Variants in LRIG3 observed in about 807,000 individuals in gnomAD.
The protein encoded by LRIG3 is leucine rich repeats and immunoglobulin like domains 3, also known as leucine-rich repeats and immunoglobulin-like domains protein 3.
LRIG3 carries 76 observed loss-of-function variants against 114.5 expected under a neutral mutation model. That is an observed-to-expected ratio of 0.66 (90% CI 0.55 to 0.80). The LOEUF is 0.80. Among genes scored for constraint, LRIG3 ranks in the 30% least tolerant of loss-of-function variants. The pLI is 0.00. For synonymous variants in LRIG3, 512 were observed against 519.8 expected (o/e 0.98, Z 0.20); for missense variants, 1,239 against 1,382.8 (o/e 0.90, Z 1.65).
At chr12:58,890,919 T>C (rs1871436637) in intron 3 of LRIG3, 123 bp from the exon 4 acceptor site, 1 of 835,268 alleles carries the variant, frequency 1.2e-6, no homozygotes, top group East Asian at 3.3e-5. Context: ...AACAGTACTT[T>C]TAAAAGTTAA....
Position 58,890,127 on chromosome 12 carries a change from G to A in LRIG3, c.528C>T (p.Ser176=). 6.2e-7 allele frequency: 1 copy of A among 1,613,342 alleles called. No homozygotes were observed. Among genetic ancestry groups the A allele is most frequent in the Non-Finnish European group, 8.5e-7 (1 of 1,179,486 alleles). Residue 176 remains serine (S), a synonymous_variant, in exon 5 of 19, where the codon AGC becomes AGT. Coordinates refer to ENST00000320743, the MANE Select transcript of LRIG3 (RefSeq NM_153377.5). ...ALQLKYLYLN[S]NRVTSMEPGY... Reference sequence around the variant, plus strand: ...CAGGTTCCATTGATGTGACTCGGTTGCTGTTGAGATACCTGTTGAAAGTTT... The same window carrying A: ...CAGGTTCCATTGATGTGACTCGGTTACTGTTGAGATACCTGTTGAAAGTTT...
chr12:58,877,360 CAT>C (rs773607567), intron 15 of LRIG3, 38 bp downstream of exon 15: 25 of 1,590,454 alleles, frequency 1.6e-5, no homozygotes, highest in South Asian at 1.3e-4. Flanking sequence ...CACAAATACA[CAT>C]GACTCCGGTG....
At chr12:58,909,983 G>A (rs73118573) in intron 3 of LRIG3, among the ~76,000 whole-genome samples, 11,265 of 152,100 alleles carry the variant, frequency 0.074, 557 homozygotes, top group Non-Finnish European at 0.11. Flanking sequence ...TCTGCTTTAC[G>A]TCTCTTCAAT....
intron 3 of LRIG3, among the ~76,000 whole-genome samples, chr12:58,908,697 A>C (rs554287729): frequency 6.6e-6 from 1 of 152,356 alleles, no homozygotes; most frequent in African/African-American, 2.4e-5. Context: ...TTGCCACTGT[A>C]AATCTTTAGC....
At chr12:58,888,724 T>C (rs1281438901) in intron 6 of LRIG3, 95 bp downstream of exon 6, 2 of 1,485,828 alleles carry the variant, frequency 1.3e-6, no homozygotes, top group African/African-American at 1.4e-5. Context: ...GATGATGAGA[T>C]TTTAACATAG....
intron 10 of LRIG3, among the ~76,000 whole-genome samples, chr12:58,885,276 G>T (rs1871240326): frequency 6.6e-6 from 1 of 152,064 alleles, no homozygotes; most frequent in Non-Finnish European, 1.5e-5. Flanking sequence ...AACAATAAGA[G>T]ACCAACAATT....
At chr12:58,877,998 T>A (rs536356759) in intron 14 of LRIG3, 146 bp from the exon 15 acceptor site, 1 of 735,414 alleles carries the variant, frequency 1.4e-6, no homozygotes, top group South Asian at 1.9e-5. Context: ...AGCCTAAACA[T>A]ATACAACATT....
At chr12:58,897,436 C>T (rs1871682736) in intron 3 of LRIG3, among the ~76,000 whole-genome samples, 1 of 152,046 alleles carries the variant, frequency 6.6e-6, no homozygotes, top group Non-Finnish European at 1.5e-5. Flanking sequence ...AGTCATAACA[C>T]ATGTTAAAAA....
intron 1 of LRIG3, 81 bp from the exon 2 acceptor site, chr12:58,914,417 T>C (rs1872401605): frequency 4.9e-6 from 5 of 1,026,020 alleles, no homozygotes; most frequent in Admixed American, 1.8e-5. Flanking sequence ...AGTATCTCTA[T>C]GAACACCAGT....
At chr12:58,915,792 C>A (rs1173058424) in intron 1 of LRIG3, among the ~76,000 whole-genome samples, 1 of 152,174 alleles carries the variant, frequency 6.6e-6, no homozygotes, top group African/African-American at 2.4e-5. Flanking sequence ...TCAAGGAAAC[C>A]GTGAGCCCAA....
intron 3 of LRIG3, among the ~76,000 whole-genome samples, chr12:58,893,499 A>C (rs1351674858): frequency 6.6e-6 from 1 of 152,208 alleles, no homozygotes; most frequent in South Asian, 2.1e-4. Flanking sequence ...TTTAGAGTCA[A>C]GTCAGCCATG....
chr12:58,894,641 A>C (rs1368598735), intron 3 of LRIG3, among the ~76,000 whole-genome samples: 1 of 152,216 alleles, frequency 6.6e-6, no homozygotes, highest in Non-Finnish European at 1.5e-5. Flanking sequence ...AATAAATGCC[A>C]AACTTGATCA....
intron 12 of LRIG3, among the ~76,000 whole-genome samples, chr12:58,881,883 G>A (rs1263512762): frequency 6.6e-6 from 1 of 152,138 alleles, no homozygotes; most frequent in Non-Finnish European, 1.5e-5. Flanking sequence ...AAAAAACGAT[G>A]GATACTATAC....
intron 10 of LRIG3, among the ~76,000 whole-genome samples, chr12:58,885,045 T>C (rs965941305): frequency 3.3e-5 from 5 of 152,144 alleles, no homozygotes; most frequent in African/African-American, 4.8e-5. Flanking sequence ...CTAAATGACA[T>C]TTCAGAAATG....
Position 58,878,873 on chromosome 12 carries a change from A to G in LRIG3, c.2034T>C (p.Ala678=). 1.2e-6 allele frequency: 2 copies of G among 1,614,192 alleles called. No homozygotes were observed. Among genetic ancestry groups the G allele is most frequent in the Non-Finnish European group, 1.7e-6 (2 of 1,180,026 alleles). ...IEDIGVYSCT[A]QNSAGSISAN... ...CTGAAATACTTCCTGCACTGTTCTG[A>G]GCTGTGCAGCTGTATACCCCAATGT... The change falls in exon 14 of 19, where the codon GCT becomes GCC. Residue 678 remains alanine, a synonymous_variant. Transcript: ENST00000320743.
At chr12:58,892,269 A>G (rs1358858386) in intron 3 of LRIG3, among the ~76,000 whole-genome samples, 1 of 152,252 alleles carries the variant, frequency 6.6e-6, no homozygotes, top group Non-Finnish European at 1.5e-5. Context: ...TACAAATCAT[A>G]GAAAGGTCTC....
chr12:58,890,927 T>TA, intron 3 of LRIG3, 131 bp from the exon 4 acceptor site: 1 of 680,978 alleles, frequency 1.5e-6, no homozygotes, highest in Admixed American at 3.8e-5. Context: ...TTTTAAAAGT[T>TA]AAAGAGCAAT....
At chr12:58,876,357 A>T in intron 16 of LRIG3, 88 bp downstream of exon 16, 1 of 1,422,786 alleles carries the variant, frequency 7.0e-7, no homozygotes, top group Non-Finnish European at 9.6e-7. Context: ...CAGTGTTATC[A>T]ATGTCTTGTG....
At chr12:58,898,510 C>T (rs1218154038) in intron 3 of LRIG3, among the ~76,000 whole-genome samples, 1 of 152,212 alleles carries the variant, frequency 6.6e-6, no homozygotes, top group African/African-American at 2.4e-5. Context: ...GTCTAGTCTT[C>T]CTCTTTCTTG....
Sources: allele counts gnomAD v4.1 joint callset (sites outside exome capture counted in the v4.1 genomes callset), GRCh38; gene constraint gnomAD v4.1.1; transcripts MANE v1.5; gene names NCBI Gene and HGNC (gene_info 2026-07-23, HGNC 2026-07-21).